The following OTULINL variants were observed in gnomAD, a reference collection of about 807,000 sequenced individuals.
OTULINL encodes OTU deubiquitinase with linear linkage specificity like.
Under a neutral mutation model 43.9 loss-of-function variants are expected in OTULINL, and 42 were observed. That is an observed-to-expected ratio of 0.96 (90% CI 0.75 to 1.24). The LOEUF is 1.24. Ranked by LOEUF, OTULINL falls within the 50% of genes most tolerant of loss-of-function variation. OTULINL has a pLI of 0.00. For synonymous variants in OTULINL, 172 were observed against 153.6 expected (o/e 1.12, Z -0.88); for missense variants, 411 against 426.4 (o/e 0.96, Z 0.32).
At position 14,581,957 on chromosome 5, in the gene OTULINL, A is replaced by G. The variant is rs2126765595; in HGVS notation, c.63A>G (p.Ala21=). The G allele has an allele frequency of 2.5e-6, 3 of 1,216,478 alleles. No homozygotes were observed. The highest frequency in any genetic ancestry group is 1.8e-5 in the South Asian group (1 of 54,556). The allele number at this position is 1,216,478 out of a possible 1,614,324, so 75.4% of individuals were successfully genotyped here. The change falls in exon 1 of 8, where the codon GCA becomes GCG. Residue 21 remains alanine, a splice_region_variant and synonymous_variant. Coordinates refer to ENST00000274217, the MANE Select transcript of OTULINL (RefSeq NM_019018.3). ...GGGAGCGGTCTGGCGCTCCCGCCGC[A>G]GGTGAGCCTGGGGCCGGGCGGGGCG... is the stretch of plus-strand genomic sequence containing the variant. ...RERERSGAPA[A]GSDQVHSWML...
Position 14,581,842 on chromosome 5 carries a change from G to T in OTULINL, c.-53G>T. The T allele has an allele frequency of 1.5e-6, 2 of 1,335,174 alleles. No individual in the cohort carries two copies. The highest frequency in any genetic ancestry group is 9.6e-7 in the Non-Finnish European group (1 of 1,042,414). The allele number at this position is 1,335,174 out of a possible 1,614,324, so 82.7% of individuals were successfully genotyped here. A position where few individuals can be genotyped will look rare whatever the true frequency, so the allele number is the denominator to read the frequency against. On this transcript the variant is annotated 5_prime_UTR_variant, in exon 1 of 8. Coordinates refer to ENST00000274217, the MANE Select transcript of OTULINL (RefSeq NM_019018.3). ...CGGCGGGCGGCCGTCGCGTCTGACA[G>T]ACCACTGCAGACCACGGGCCGAGGC...
At chr5:14,600,917 T>G (rs748100000) in intron 1 of OTULINL, 48 bp from the exon 2 acceptor site, 12 of 1,359,946 alleles carry the variant, frequency 8.8e-6, no homozygotes, top group Admixed American at 3.0e-5. Context: ...AGCAAACTTG[T>G]GTAATTGTGA....
chr5:14,600,932 C>CTTTTTTTT (rs5866109), intron 1 of OTULINL, 33 bp from the exon 2 acceptor site: 1 of 1,085,964 alleles, frequency 9.2e-7, no homozygotes, highest in Non-Finnish European at 1.2e-6. Context: ...TTGTGATGTG[C>CTTTTTTTT]TTTTTTTTTT....
In OTULINL at chr5:14,611,978, A is replaced by G. The variant is rs2126788757; in HGVS notation, c.*1664A>G. The stretch of plus-strand genomic sequence containing the variant: ...ATCAGTCGTGTGTACTACATGAACC[A>G]TGTCTGATGGTAGCTTGTTCCCACT... On this transcript the variant is annotated 3_prime_UTR_variant, in exon 8 of 8. Transcript: ENST00000274217. The G allele has an allele frequency of 6.6e-6, 1 of 152,308 alleles. No homozygotes were observed. Among genetic ancestry groups the G allele is most frequent in the East Asian group, 1.9e-4 (1 of 5,184 alleles). The allele number at this position is 152,308 out of a possible 1,614,324, so 9.4% of individuals were successfully genotyped here.
intron 1 of OTULINL, among the ~76,000 whole-genome samples, chr5:14,592,451 C>G (rs1759220777): frequency 6.6e-6 from 1 of 152,322 alleles, no homozygotes; most frequent in East Asian, 1.9e-4. Context: ...CAGACTTCTA[C>G]TTCTTTTCTG....
At chr5:14,595,995 A>G (rs1316858097) in intron 1 of OTULINL, among the ~76,000 whole-genome samples, 1 of 152,206 alleles carries the variant, frequency 6.6e-6, no homozygotes, top group East Asian at 1.9e-4. Flanking sequence ...GTTTTTGTGT[A>G]TCTTCACAGG....
At position 14,610,347 on chromosome 5, in the gene OTULINL, G is replaced by C; in HGVS notation, c.*33G>C. 1 of 1,599,440 alleles carries C rather than the reference G, an allele frequency of 6.3e-7. No homozygotes were observed. Among genetic ancestry groups the C allele is most frequent in the East Asian group, 2.2e-5 (1 of 44,662 alleles). On this transcript the variant is annotated 3_prime_UTR_variant, in exon 8 of 8. Coordinates refer to ENST00000274217, the MANE Select transcript of OTULINL (RefSeq NM_019018.3). ...GGGGGCCGAACAGCAGTGCTCACCA[G>C]TGACGGTGGTCACAGTTGCAATAAA...
intron 1 of OTULINL, among the ~76,000 whole-genome samples, chr5:14,595,271 A>G (rs1759266742): frequency 6.6e-6 from 1 of 152,210 alleles, no homozygotes; most frequent in African/African-American, 2.4e-5. Flanking sequence ...CTGATATTGT[A>G]TATACCATGA....
At chr5:14,590,300 G>T (rs1439243334) in intron 1 of OTULINL, among the ~76,000 whole-genome samples, 1 of 152,110 alleles carries the variant, frequency 6.6e-6, no homozygotes, top group Admixed American at 6.5e-5. Context: ...AGATACCTGG[G>T]CCCCAGCCTA....
At chr5:14,598,176 G>A (rs545961642) in intron 1 of OTULINL, among the ~76,000 whole-genome samples, 5 of 152,294 alleles carry the variant, frequency 3.3e-5, no homozygotes, top group African/African-American at 7.2e-5. Flanking sequence ...TGCGACAGAC[G>A]AGAGCATGTG....
chr5:14,601,247 A>T lies in OTULINL; in HGVS notation c.256+3A>T. ...ATATCTGCAGAGAAAATTCAAAAGT[A>T]AATATTTTCATTCATTTATTTCTTT... On this transcript the variant is annotated splice_donor_region_variant and intron_variant, in intron 3 of 7. Coordinates refer to ENST00000274217, the MANE Select transcript of OTULINL (RefSeq NM_019018.3). 3 of 1,611,306 alleles carry T rather than the reference A, an allele frequency of 1.9e-6. No homozygotes were observed. The highest frequency in any genetic ancestry group is 1.7e-4 in the Middle Eastern group (1 of 6,052).
intron 1 of OTULINL, among the ~76,000 whole-genome samples, chr5:14,588,825 A>C (rs560210909): frequency 6.6e-6 from 1 of 152,326 alleles, no homozygotes; most frequent in African/African-American, 2.4e-5. Context: ...CACCCCTCTT[A>C]ACAAGCCCTT....
At chr5:14,594,915 CT>C (rs375714949) in intron 1 of OTULINL, among the ~76,000 whole-genome samples, 126 of 152,142 alleles carry the variant, frequency 8.3e-4, no homozygotes, top group African/African-American at 2.8e-3. Context: ...CCTTGAGTTC[CT>C]TCCTATTCCA....
At chr5:14,590,292 AT>A (rs1164873108) in intron 1 of OTULINL, among the ~76,000 whole-genome samples, 1 of 152,180 alleles carries the variant, frequency 6.6e-6, no homozygotes, top group African/African-American at 2.4e-5. Context: ...CTTAAAAAAG[AT>A]ACCTGGGCCC....
rs1161758242 is a variant in OTULINL at position 14,614,580 on chromosome 5, A to T, written c.*4266A>T. The T allele has an allele frequency of 2.5e-6, 1 of 398,524 alleles. No individual in the cohort carries two copies. Among genetic ancestry groups the T allele is most frequent in the South Asian group, 1.3e-4 (1 of 7,866 alleles). The allele number at this position is 398,524 out of a possible 1,614,324, so 24.7% of individuals were successfully genotyped here. A position where few individuals can be genotyped will look rare whatever the true frequency, so the allele number is the denominator to read the frequency against. On this transcript the variant is annotated 3_prime_UTR_variant, in exon 8 of 8. Transcript: ENST00000274217. ...GATTATATTTATGCTTAATATCAAC[A>T]TGGTTTATAAGTGGACAGAAAAACA...
At chr5:14,582,814 C>CAA (rs57907300) in intron 1 of OTULINL, among the ~76,000 whole-genome samples, 3,489 of 54,760 alleles carry the variant, frequency 0.064, 197 homozygotes, top group Non-Finnish European at 0.088. Context: ...TTGCTCTGTC[C>CAA]AAAAAAAAAA....
In OTULINL at chr5:14,614,745, G is replaced by C. The variant is rs898347762; in HGVS notation, c.*4431G>C. On this transcript the variant is annotated 3_prime_UTR_variant, in exon 8 of 8. Coordinates refer to ENST00000274217, the MANE Select transcript of OTULINL (RefSeq NM_019018.3). Reference sequence around the variant, plus strand: ...CATGTGGGAACAGTGTGGCCCAAGAGCCAGCATGGAGGAGGGCTGTGTGAG... The same window carrying C: ...CATGTGGGAACAGTGTGGCCCAAGACCCAGCATGGAGGAGGGCTGTGTGAG... 5.0e-5 allele frequency: 20 copies of C among 398,540 alleles called. No individual in the cohort carries two copies. Among genetic ancestry groups the C allele is most frequent in the African/African-American group, 4.1e-4 (20 of 48,622 alleles). 24.7% of individuals were successfully genotyped at this position (398,540 alleles called of 1,614,324 possible).
chr5:14,599,931 A>G (rs931885620), intron 1 of OTULINL, among the ~76,000 whole-genome samples: 4 of 152,214 alleles, frequency 2.6e-5, no homozygotes, highest in Non-Finnish European at 4.4e-5. Flanking sequence ...AATGATATCT[A>G]TGTGCCTGCT....
Position 14,581,951 on chromosome 5 carries a change from C to A in OTULINL, c.57C>A (p.Pro19=). The stretch of plus-strand genomic sequence containing the variant: ...GGGAGCGGGAGCGGTCTGGCGCTCC[C>A]GCCGCAGGTGAGCCTGGGGCCGGGC... ...RARERERSGA[P]AAGSDQVHSW... is the part of the protein sequence containing the mutation. The change falls in exon 1 of 8, where the codon CCC becomes CCA. Residue 19 remains proline, a synonymous_variant. Coordinates refer to ENST00000274217, the MANE Select transcript of OTULINL (RefSeq NM_019018.3). The A allele has an allele frequency of 7.4e-7, 1 of 1,358,682 alleles. No homozygotes were observed. The highest frequency in any genetic ancestry group is 1.7e-5 in the South Asian group (1 of 59,350). The allele number at this position is 1,358,682 out of a possible 1,614,324, so 84.2% of individuals were successfully genotyped here.
Sources: gnomAD v4.1 joint callset for allele counts (sites outside exome capture counted in the v4.1 genomes callset) on GRCh38, gnomAD v4.1.1 for gene constraint, MANE v1.5 for transcripts, NCBI Gene and HGNC (gene_info 2026-07-23, HGNC 2026-07-21) for gene names.